SRBD1: variants seen among roughly 807,000 people sequenced by gnomAD.
The protein encoded by SRBD1 is S1 RNA-binding domain-containing protein 1.
SRBD1 carries 88 observed loss-of-function variants against 115.3 expected under a neutral mutation model. The ratio of observed to expected loss-of-function variants is 0.76; its 90% CI spans 0.64 to 0.91. The LOEUF (loss-of-function observed/expected upper bound fraction) is 0.91, where lower values mean the gene tolerates loss of function less well. Among genes scored for constraint, SRBD1 ranks in the 40% least tolerant of loss-of-function variants. The pLI is 0.00. For synonymous variants in SRBD1, 509 were observed against 407.7 expected (o/e 1.25, Z -2.99); for missense variants, 1,385 against 1,177.4 (o/e 1.18, Z -2.58).
chr2:45,566,889 CTAAT>C (rs1450142494), intron 9 of SRBD1, among the ~76,000 whole-genome samples: 1 of 152,078 alleles, frequency 6.6e-6, no homozygotes, highest in East Asian at 1.9e-4. Context: ...AGATTTCTCA[CTAAT>C]TCTTAATGGC....
chr2:45,501,713 GA>G (rs964881388), intron 14 of SRBD1, among the ~76,000 whole-genome samples: 1 of 152,166 alleles, frequency 6.6e-6, no homozygotes, highest in African/African-American at 2.4e-5. Context: ...GTCTGAGATC[GA>G]ACTGCAAAGC....
chr2:45,586,197 G>C (rs1030975505), intron 4 of SRBD1, among the ~76,000 whole-genome samples: 1 of 152,104 alleles, frequency 6.6e-6, no homozygotes, highest in Non-Finnish European at 1.5e-5. Flanking sequence ...ACAAACTTTG[G>C]CCCAGCAGCA....
intron 4 of SRBD1, among the ~76,000 whole-genome samples, chr2:45,596,155 G>T (rs1673888081): frequency 6.6e-6 from 1 of 152,104 alleles, no homozygotes; most frequent in African/African-American, 2.4e-5. Context: ...CACAACAAAG[G>T]ACATTACTGC....
chr2:45,500,735 T>C (rs542866348), intron 14 of SRBD1, among the ~76,000 whole-genome samples: 201 of 152,328 alleles, frequency 1.3e-3, no homozygotes, highest in African/African-American at 4.6e-3. Flanking sequence ...GATTTTCATA[T>C]GTTGATTTTG....
At chr2:45,445,972 G>A (rs1023988893) in intron 16 of SRBD1, among the ~76,000 whole-genome samples, 1 of 152,172 alleles carries the variant, frequency 6.6e-6, no homozygotes, top group African/African-American at 2.4e-5. Context: ...AGTATTAGGT[G>A]TCTTGAGTAA....
intron 11 of SRBD1, among the ~76,000 whole-genome samples, chr2:45,552,536 T>C (rs1312392415): frequency 6.6e-6 from 1 of 152,106 alleles, no homozygotes; most frequent in Non-Finnish European, 1.5e-5. Flanking sequence ...CCACTAGACA[T>C]AAGCAACATG....
intron 1 of SRBD1, among the ~76,000 whole-genome samples, chr2:45,609,093 C>T (rs1306036687): frequency 6.6e-6 from 1 of 152,168 alleles, no homozygotes; most frequent in Non-Finnish European, 1.5e-5. Flanking sequence ...AAGTGTGAGC[C>T]ATGGCGCCTG....
chr2:45,472,419 G>C (rs1394023575), intron 16 of SRBD1, among the ~76,000 whole-genome samples: 1 of 152,150 alleles, frequency 6.6e-6, no homozygotes, highest in East Asian at 1.9e-4. Flanking sequence ...TCACTGACTT[G>C]TACATTTTAA....
intron 15 of SRBD1, among the ~76,000 whole-genome samples, chr2:45,487,150 A>G (rs751745533): frequency 2.0e-5 from 3 of 152,336 alleles, no homozygotes; most frequent in Non-Finnish European, 4.4e-5. Flanking sequence ...AGATTACTGT[A>G]AAAATTTCAT....
At chr2:45,566,838 T>A (rs1359860072) in intron 9 of SRBD1, among the ~76,000 whole-genome samples, 1 of 152,112 alleles carries the variant, frequency 6.6e-6, no homozygotes, top group Non-Finnish European at 1.5e-5. Context: ...TTATGTATAT[T>A]ATATATTAAA....
chr2:45,432,122 C>G (rs1250076397), intron 16 of SRBD1, among the ~76,000 whole-genome samples: 1 of 152,030 alleles, frequency 6.6e-6, no homozygotes, highest in Non-Finnish European at 1.5e-5. Context: ...CTCCGCCTCC[C>G]AGGTTCAAGT....
At position 45,581,806 on chromosome 2, in the gene SRBD1, C is replaced by A. The variant is rs746361894; in HGVS notation, c.820G>T (p.Val274Phe). Residue 274 changes from valine (V) to phenylalanine (F), a missense_variant, in exon 6 of 21, where the codon GTT becomes TTT. Transcript: ENST00000263736. ...ATTGTACTATGAACTTTCTTTGCAACAGCCCTGAAAAGAGAAACTTTTGTA... is the reference window on the plus strand; with the variant it reads ...ATTGTACTATGAACTTTCTTTGCAAAAGCCCTGAAAAGAGAAACTTTTGTA... ...VQQTLEELRA[V>F]AKKVHSTIQK... The A allele has an allele frequency of 6.2e-7, 1 of 1,610,366 alleles. No homozygotes were observed. Among genetic ancestry groups the A allele is most frequent in the South Asian group, 1.1e-5 (1 of 90,790 alleles).
chr2:45,531,159 A>C (rs1237964296), intron 14 of SRBD1, among the ~76,000 whole-genome samples: 1 of 151,860 alleles, frequency 6.6e-6, no homozygotes, highest in Non-Finnish European at 1.5e-5. Context: ...GGTCACTACC[A>C]AACGCCTCTG....
At chr2:45,442,462 G>C (rs868118474) in intron 16 of SRBD1, among the ~76,000 whole-genome samples, 1 of 152,142 alleles carries the variant, frequency 6.6e-6, no homozygotes, top group South Asian at 2.1e-4. Context: ...ACACCCATTT[G>C]ACCCACAGAC....
intron 18 of SRBD1, among the ~76,000 whole-genome samples, 173 bp from the exon 19 acceptor site, chr2:45,413,466 G>A (rs1487723141): frequency 6.6e-6 from 1 of 152,162 alleles, no homozygotes; most frequent in Non-Finnish European, 1.5e-5. Flanking sequence ...ACTGGGAAAA[G>A]GGCTTTCTGT....
intron 16 of SRBD1, among the ~76,000 whole-genome samples, chr2:45,456,657 T>C (rs1453198196): frequency 6.6e-6 from 1 of 151,920 alleles, no homozygotes; most frequent in Non-Finnish European, 1.5e-5. Context: ...CCAAATTACA[T>C]ACAGTTGAGT....
intron 16 of SRBD1, among the ~76,000 whole-genome samples, chr2:45,423,022 C>G (rs1204369154): frequency 6.6e-6 from 1 of 152,132 alleles, no homozygotes; most frequent in African/African-American, 2.4e-5. Context: ...TCTGACTTGA[C>G]TTGAGCCACA....
intron 14 of SRBD1, among the ~76,000 whole-genome samples, chr2:45,514,159 T>C (rs1671053756): frequency 1.3e-5 from 2 of 152,212 alleles, no homozygotes; most frequent in Admixed American, 1.3e-4. Flanking sequence ...AAGTCTGAAT[T>C]AAAGAATTTA....
At chr2:45,551,003 G>A in intron 12 of SRBD1, 122 bp downstream of exon 12, 2 of 1,195,576 alleles carry the variant, frequency 1.7e-6, no homozygotes, top group Non-Finnish European at 1.1e-6. Flanking sequence ...ACCCCTGTAT[G>A]TGAGAAAACC....
Sources: gnomAD v4.1 joint callset for allele counts (sites outside exome capture counted in the v4.1 genomes callset) on GRCh38, gnomAD v4.1.1 for gene constraint, MANE v1.5 for transcripts, NCBI Gene and HGNC (gene_info 2026-07-23, HGNC 2026-07-21) for gene names.